The following GPATCH11 variants were observed in gnomAD, a reference collection of about 807,000 sequenced individuals.
GPATCH11 encodes the protein G-patch domain containing 11.
In GPATCH11, 32 loss-of-function variants were observed where a neutral mutation model predicts 44.8. That is an observed-to-expected ratio of 0.71 (90% CI 0.54 to 0.96). The LOEUF (loss-of-function observed/expected upper bound fraction) is 0.96. GPATCH11 is among the 40% of genes least tolerant of loss of function. The pLI, the probability that GPATCH11 is intolerant of heterozygous loss-of-function variation, is 0.00. For synonymous variants in GPATCH11, 84 were observed against 94.4 expected (o/e 0.89, Z 0.64); for missense variants, 324 against 303.1 (o/e 1.07, Z -0.51).
chr2:37,093,935 G>T, intron 6 of GPATCH11, 147 bp from the exon 7 acceptor site: 1 of 571,732 alleles, frequency 1.7e-6, no homozygotes, highest in Non-Finnish European at 3.2e-6. Flanking sequence ...GATTGCAGGC[G>T]TGAGCCACCG....
intron 1 of GPATCH11, among the ~76,000 whole-genome samples, chr2:37,086,094 C>T (rs1162028972): frequency 6.6e-6 from 1 of 152,198 alleles, no homozygotes. Flanking sequence ...AAAAAATCAA[C>T]TCCATCATCT....
At chr2:37,093,769 G>T (rs1014522408) in intron 6 of GPATCH11, among the ~76,000 whole-genome samples, 3 of 152,050 alleles carry the variant, frequency 2.0e-5, no homozygotes, top group Non-Finnish European at 4.4e-5. Context: ...CAATTCTCCT[G>T]CCTCGGCCTC....
At chr2:37,086,880 A>G (rs1673077037) in intron 1 of GPATCH11, among the ~76,000 whole-genome samples, 1 of 152,236 alleles carries the variant, frequency 6.6e-6, no homozygotes, top group African/African-American at 2.4e-5. Flanking sequence ...ACTTGGTTGC[A>G]GTTGACAGAA....
intron 6 of GPATCH11, 97 bp from the exon 7 acceptor site, chr2:37,093,985 G>A: frequency 1.2e-6 from 1 of 807,494 alleles, no homozygotes; most frequent in Non-Finnish European, 2.1e-6. Context: ...CACACTCAGT[G>A]AATACGTATT....
chr2:37,091,449 A>C lies in GPATCH11; in HGVS notation c.329-467A>C, dbSNP rs538765246. Among the ~76,000 whole-genome samples the C allele has an allele frequency of 5.2e-4, 79 of 152,212 alleles. 1 individual carries two copies. The highest frequency in any genetic ancestry group is 1.9e-3 in the African/African-American group (78 of 41,534). ...GTGGCACGCACCTGTAGTCCTTGCTATTCAGGAGGCTGAGGCGGGACGATT... is the reference window on the plus strand; with the variant it reads ...GTGGCACGCACCTGTAGTCCTTGCTCTTCAGGAGGCTGAGGCGGGACGATT... On this transcript the variant is annotated intron_variant, in intron 4 of 8. Transcript: ENST00000674370.
chr2:37,086,082 C>T (rs1420828767), intron 1 of GPATCH11, among the ~76,000 whole-genome samples: 2 of 152,138 alleles, frequency 1.3e-5, no homozygotes, highest in Non-Finnish European at 2.9e-5. Context: ...GCAGTTATGA[C>T]CAAAAAATCA....
At chr2:37,089,434 G>A (rs530774323) in intron 2 of GPATCH11, among the ~76,000 whole-genome samples, 53 of 152,216 alleles carry the variant, frequency 3.5e-4, no homozygotes, top group African/African-American at 1.0e-3. Context: ...GGGCATGGTC[G>A]TGGGCGCCTG....
At chr2:37,095,378 G>A (rs912790888) in intron 7 of GPATCH11, 59 bp from the exon 8 acceptor site, 1 of 1,540,590 alleles carries the variant, frequency 6.5e-7, no homozygotes. Context: ...CGATCTAAGA[G>A]CCAGAAAACC....
chr2:37,096,526 A>G lies in GPATCH11; in HGVS notation c.*263A>G. ...GATACGTGAGGGGTTTAAGGACACC[A>G]ACAGGTAACTTCTTATTCCCCTCTT... On this transcript the variant is annotated 3_prime_UTR_variant, in exon 9 of 9. Coordinates refer to ENST00000674370, the MANE Select transcript of GPATCH11 (RefSeq NM_174931.4). 1 of 354,910 alleles carries G rather than the reference A, an allele frequency of 2.8e-6. No individual in the cohort carries two copies. The highest frequency in any genetic ancestry group is 5.1e-6 in the Non-Finnish European group (1 of 195,850). The allele number at this position is 354,910 out of a possible 1,614,324, so 22.0% of individuals were successfully genotyped here.
Position 37,089,866 on chromosome 2 carries a change from G to T in GPATCH11, c.286G>T (p.Gly96Trp). ...YKSGQALGKS[G>W]GGIVEPIPLN... Reference sequence around the variant, plus strand: ...AAGTGGTCAGGCACTTGGCAAGAGTGGTAAGTCACATGTGGAAATAAACAG... The same window carrying T: ...AAGTGGTCAGGCACTTGGCAAGAGTTGTAAGTCACATGTGGAAATAAACAG... The change falls in exon 3 of 9, where the codon GGG becomes TGG. Residue 96 changes from glycine (G) to tryptophan (W), a missense_variant and splice_region_variant. Coordinates refer to ENST00000674370, the MANE Select transcript of GPATCH11 (RefSeq NM_174931.4). 1 of 1,546,978 alleles carries T rather than the reference G, an allele frequency of 6.5e-7. No homozygotes were observed. Among genetic ancestry groups the T allele is most frequent in the Non-Finnish European group, 8.7e-7 (1 of 1,143,212 alleles).
intron 1 of GPATCH11, among the ~76,000 whole-genome samples, chr2:37,084,901 C>A (rs1572970437): frequency 6.6e-6 from 1 of 152,178 alleles, no homozygotes; most frequent in Non-Finnish European, 1.5e-5. Context: ...TTCCCACTCT[C>A]AAAAAACGTT....
intron 3 of GPATCH11, among the ~76,000 whole-genome samples, chr2:37,090,396 T>G (rs1572978972): frequency 6.6e-6 from 1 of 152,240 alleles, no homozygotes; most frequent in African/African-American, 2.4e-5. Context: ...TGCTTTCACT[T>G]AAGGCTGTCA....
At position 37,098,643 on chromosome 2, in the gene GPATCH11, G is replaced by T. The variant is rs910841258; in HGVS notation, c.*2380G>T. On this transcript the variant is annotated 3_prime_UTR_variant, in exon 9 of 9. Transcript: ENST00000674370. Reference sequence around the variant, plus strand: ...CTGAGAATGCCAGGATAACACTGATGGAACCCATGACTTCACCAGGATTGT... The same window carrying T: ...CTGAGAATGCCAGGATAACACTGATTGAACCCATGACTTCACCAGGATTGT... 4 of 152,228 alleles carry T rather than the reference G, an allele frequency of 2.6e-5. No homozygotes were observed. The highest frequency in any genetic ancestry group is 9.7e-5 in the African/African-American group (4 of 41,448). The allele number at this position is 152,228 out of a possible 1,614,324, so 9.4% of individuals were successfully genotyped here.
At chr2:37,092,057 G>C (rs1385790305) in intron 5 of GPATCH11, 21 bp downstream of exon 5, 11 of 1,611,866 alleles carry the variant, frequency 6.8e-6, no homozygotes, top group Non-Finnish European at 9.3e-6. Flanking sequence ...TTTTGAGCTG[G>C]TTTTGGTTCT....
chr2:37,090,600 A>AAGTAT (rs1673269019), intron 3 of GPATCH11, 81 bp from the exon 4 acceptor site: 1 of 706,286 alleles, frequency 1.4e-6, no homozygotes, highest in Non-Finnish European at 2.5e-6. Flanking sequence ...ATATGCATAG[A>AAGTAT]GCATTGTAAA....
Position 37,092,265 on chromosome 2 carries a change from T to C in GPATCH11, c.540+10T>C, listed in dbSNP as rs564857707. 14 of 1,408,470 alleles carry C rather than the reference T, an allele frequency of 9.9e-6. No homozygotes were observed. The African/African-American group carries it at 2.1e-4, about 21-fold the overall frequency. The allele number at this position is 1,408,470 out of a possible 1,614,324, so 87.2% of individuals were successfully genotyped here. A position where few individuals can be genotyped will look rare whatever the true frequency, so the allele number is the denominator to read the frequency against. On this transcript the variant is annotated intron_variant, in intron 6 of 8. Transcript: ENST00000674370. ...ACTGGATGTCCAGAAAGTAAGCCTTTTACCAGCTTTCAGTTTAGTAAAGTG... is the reference window on the plus strand; with the variant it reads ...ACTGGATGTCCAGAAAGTAAGCCTTCTACCAGCTTTCAGTTTAGTAAAGTG...
At chr2:37,095,836 A>G (rs1244775974) in intron 8 of GPATCH11, among the ~76,000 whole-genome samples, 3 of 152,202 alleles carry the variant, frequency 2.0e-5, no homozygotes, top group African/African-American at 7.2e-5. Flanking sequence ...GAAAGAATTT[A>G]TATTAAATTT....
At chr2:37,095,783 T>C (rs1673548025) in intron 8 of GPATCH11, among the ~76,000 whole-genome samples, 1 of 152,232 alleles carries the variant, frequency 6.6e-6, no homozygotes, top group Non-Finnish European at 1.5e-5. Flanking sequence ...ATGAATGTTT[T>C]GTGCTTTATT....
rs1300049356 is a variant in GPATCH11 at position 37,099,049 on chromosome 2, A to G, written c.*2786A>G. On this transcript the variant is annotated 3_prime_UTR_variant, in exon 9 of 9. Transcript: ENST00000674370. ...ATACGAAATTTGAAACTGCAAAACA[A>G]TGTAAAATTTAATGTCATGTTGTCA... The G allele has an allele frequency of 1.3e-5, 2 of 152,236 alleles. No individual in the cohort carries two copies. The highest frequency in any genetic ancestry group is 2.9e-5 in the Non-Finnish European group (2 of 68,042). 9.4% of individuals were successfully genotyped at this position (152,236 alleles called of 1,614,324 possible).
Sources: gnomAD v4.1 joint callset for allele counts (sites outside exome capture counted in the v4.1 genomes callset) on GRCh38, gnomAD v4.1.1 for gene constraint, MANE v1.5 for transcripts, NCBI Gene and HGNC (gene_info 2026-07-23, HGNC 2026-07-21) for gene names.